KCNIP4: variants seen among roughly 807,000 people sequenced by gnomAD.
KCNIP4 encodes the protein Kv channel-interacting protein 4.
In KCNIP4, 12 loss-of-function variants were observed where a neutral mutation model predicts 34.0. That is an observed-to-expected ratio of 0.35 (90% CI 0.23 to 0.57). The LOEUF (loss-of-function observed/expected upper bound fraction) is 0.57, where lower values mean the gene tolerates loss of function less well. Among genes scored for constraint, KCNIP4 ranks in the 20% least tolerant of loss-of-function variants. The pLI is 0.83. For missense variants in KCNIP4, 238 were observed against 311.7 expected, an observed-to-expected ratio of 0.76 and a Z score of 1.78; for synonymous variants, 124 against 102.2, an observed-to-expected ratio of 1.21 and a Z score of -1.29.
chr4:21,308,342 G>A (rs374672323), intron 1 of KCNIP4, among the ~76,000 whole-genome samples: 9 of 152,288 alleles, frequency 5.9e-5, no homozygotes, highest in South Asian at 4.1e-4. Flanking sequence ...CTTAATCTCC[G>A]TGGAGCACAT....
chr4:20,934,990 C>G (rs765692540), intron 1 of KCNIP4, among the ~76,000 whole-genome samples: 17 of 152,186 alleles, frequency 1.1e-4, no homozygotes, highest in Admixed American at 2.0e-4. Flanking sequence ...CAACATCACT[C>G]CAGTCTCTGC....
chr4:21,610,238 A>C (rs1476113474), intron 1 of KCNIP4, among the ~76,000 whole-genome samples: 2 of 152,366 alleles, frequency 1.3e-5, no homozygotes, highest in South Asian at 2.1e-4. Context: ...GAGGCTAGAC[A>C]TCCAAAATCA....
chr4:20,907,083 G>A (rs982959409), intron 1 of KCNIP4, among the ~76,000 whole-genome samples: 3 of 152,164 alleles, frequency 2.0e-5, no homozygotes, highest in African/African-American at 7.2e-5. Flanking sequence ...GTAGTCCTTG[G>A]TAAGAAAATG....
intron 1 of KCNIP4, among the ~76,000 whole-genome samples, chr4:20,925,237 G>A (rs1468283580): frequency 1.3e-5 from 2 of 152,076 alleles, no homozygotes; most frequent in Admixed American, 1.3e-4. Flanking sequence ...ATTTGAATCA[G>A]AGCAACTCCA....
chr4:20,896,872 A>C (rs1348791156), intron 1 of KCNIP4, among the ~76,000 whole-genome samples: 1 of 152,126 alleles, frequency 6.6e-6, no homozygotes, highest in African/African-American at 2.4e-5. Context: ...GTCTGCACAC[A>C]CAGAATCGCC....
intron 1 of KCNIP4, among the ~76,000 whole-genome samples, chr4:21,940,698 A>C (rs1004365705): frequency 1.3e-5 from 2 of 152,188 alleles, no homozygotes; most frequent in Non-Finnish European, 2.9e-5. Context: ...AGAAACAGCA[A>C]CATTAAACTC....
intron 1 of KCNIP4, among the ~76,000 whole-genome samples, chr4:21,158,213 A>G (rs1041555966): frequency 1.8e-4 from 27 of 152,124 alleles, no homozygotes; most frequent in Admixed American, 1.4e-3. Flanking sequence ...TTTGCCTTCG[A>G]TTCTACCAAA....
chr4:21,760,521 A>C (rs1717977705), intron 1 of KCNIP4, among the ~76,000 whole-genome samples: 2 of 152,112 alleles, frequency 1.3e-5, no homozygotes, highest in Admixed American at 1.3e-4. Context: ...GACTGACTTT[A>C]TTAAAATATT....
At chr4:20,850,779 C>G (rs905923187) in intron 2 of KCNIP4, 112 bp from the exon 3 acceptor site, 3 of 1,283,516 alleles carry the variant, frequency 2.3e-6, no homozygotes, top group East Asian at 4.9e-5. Flanking sequence ...TGACTGTCCA[C>G]AGAGGAAGGA....
intron 1 of KCNIP4, chr4:21,762,886 G>A (rs893455030): frequency 1.0e-5 from 13 of 1,251,814 alleles, no homozygotes; most frequent in Admixed American, 2.3e-5. Context: ...TTGGGAGGGG[G>A]GTGTAGGTGG....
At chr4:21,724,635 C>T (rs533103573) in intron 1 of KCNIP4, among the ~76,000 whole-genome samples, 29 of 151,262 alleles carry the variant, frequency 1.9e-4, no homozygotes, top group Admixed American at 6.6e-5. Context: ...TACCGTATTT[C>T]CCTCTGTTGG....
At chr4:21,100,162 C>A (rs1747810555) in intron 1 of KCNIP4, among the ~76,000 whole-genome samples, 1 of 152,150 alleles carries the variant, frequency 6.6e-6, no homozygotes. Flanking sequence ...AGTTCTATTG[C>A]AAGTAAAATG....
At chr4:21,154,785 A>G (rs754271374) in intron 1 of KCNIP4, among the ~76,000 whole-genome samples, 99 of 152,192 alleles carry the variant, frequency 6.5e-4, no homozygotes, top group Middle Eastern at 3.2e-3. Context: ...GCTGAGAGTC[A>G]TGCCCTCCTT....
At chr4:21,941,258 T>C (rs1312517115) in intron 1 of KCNIP4, among the ~76,000 whole-genome samples, 1 of 152,152 alleles carries the variant, frequency 6.6e-6, no homozygotes, top group Non-Finnish European at 1.5e-5. Flanking sequence ...CATCTTATCA[T>C]ATGTAACAAT....
At chr4:21,030,458 G>A (rs568533404) in intron 1 of KCNIP4, among the ~76,000 whole-genome samples, 4 of 152,258 alleles carry the variant, frequency 2.6e-5, no homozygotes, top group Non-Finnish European at 4.4e-5. Flanking sequence ...CACAATAAAT[G>A]TAATGTGCTT....
intron 1 of KCNIP4, among the ~76,000 whole-genome samples, chr4:21,557,592 G>C (rs371329744): frequency 1.2e-4 from 19 of 152,224 alleles, no homozygotes; most frequent in East Asian, 9.7e-4. Context: ...GGTTATGGAA[G>C]AGAGAGTAGG....
intron 1 of KCNIP4, among the ~76,000 whole-genome samples, chr4:21,630,550 T>C (rs1745687915): frequency 1.3e-5 from 2 of 152,254 alleles, no homozygotes; most frequent in East Asian, 1.9e-4. Flanking sequence ...ATAAATTATA[T>C]TGATTACTTA....
At chr4:21,738,302 G>A (rs917062175) in intron 1 of KCNIP4, among the ~76,000 whole-genome samples, 1 of 151,972 alleles carries the variant, frequency 6.6e-6, no homozygotes, top group African/African-American at 2.4e-5. Context: ...TGTGAGACAA[G>A]GAAATGCAAG....
intron 1 of KCNIP4, among the ~76,000 whole-genome samples, chr4:21,622,858 A>C (rs1745083186): frequency 6.6e-6 from 1 of 152,202 alleles, no homozygotes. Context: ...TCACAAAATC[A>C]AATCAATTTC....
Sources: allele counts gnomAD v4.1 joint callset (sites outside exome capture counted in the v4.1 genomes callset), GRCh38; gene constraint gnomAD v4.1.1; transcripts MANE v1.5; gene names NCBI Gene and HGNC (gene_info 2026-07-23, HGNC 2026-07-21).